The following PRKN variants were observed in gnomAD, a reference collection of about 807,000 sequenced individuals.
PRKN encodes the protein parkin RBR E3 ubiquitin protein ligase.
A neutral mutation model predicts 59.5 loss-of-function variants in PRKN; 56 were observed. That is an observed-to-expected ratio of 0.94 (90% CI 0.76 to 1.18). The LOEUF is 1.18. PRKN is among the 50% of genes most tolerant of loss of function. PRKN has a pLI of 0.00. For synonymous variants in PRKN, 250 were observed against 222.1 expected, an observed-to-expected ratio of 1.13 and a Z score of -1.12; for missense variants, 657 against 596.4, an observed-to-expected ratio of 1.10 and a Z score of -1.06.
rs1281212574 is a variant in PRKN, at chr6:161,445,250, C to T, written c.1084-58373G>A. 6.6e-6 allele frequency among the ~76,000 whole-genome samples: 1 copy of T among 152,140 alleles called. No individual in the cohort carries two copies. Among genetic ancestry groups the T allele is most frequent in the African/African-American group, 2.4e-5 (1 of 41,438 alleles). Reference sequence around the variant, plus strand: ...GACGGCCACTTAGAGGCTGCCTGACCACAAAGACAGGACTGTAAAACATAG... The same window carrying T: ...GACGGCCACTTAGAGGCTGCCTGACTACAAAGACAGGACTGTAAAACATAG... On this transcript the variant is annotated intron_variant, in intron 9 of 11. Transcript: ENST00000366898. This position sits in a 1 kb window ranked among gnomAD's most constrained non-coding sequence, Gnocchi z 7.7.
chr6:162,725,485 C>A (rs772408128), intron 1 of PRKN, among the ~76,000 whole-genome samples: 1 of 152,138 alleles, frequency 6.6e-6, no homozygotes, highest in South Asian at 2.1e-4. Flanking sequence ...TGAGGCTGGG[C>A]GTGGTGGTTC....
chr6:162,617,489 C>T (rs1311872240), intron 1 of PRKN, among the ~76,000 whole-genome samples: 1 of 152,168 alleles, frequency 6.6e-6, no homozygotes, highest in East Asian at 1.9e-4. Context: ...GCTTTGGCCT[C>T]CCACAGTGCT....
intron 9 of PRKN, among the ~76,000 whole-genome samples, chr6:161,534,149 A>G (rs1779324798): frequency 6.6e-6 from 1 of 152,066 alleles, no homozygotes; most frequent in Admixed American, 6.5e-5. Flanking sequence ...GCTCTTGATC[A>G]GGCACCATGA....
intron 6 of PRKN, among the ~76,000 whole-genome samples, chr6:161,965,465 G>A (rs1049629761): frequency 2.0e-5 from 3 of 152,004 alleles, no homozygotes; most frequent in African/African-American, 7.3e-5. Flanking sequence ...AAGGAATAAT[G>A]ATTAAAGGTG....
At chr6:161,829,288 G>A (rs181762560) in intron 6 of PRKN, among the ~76,000 whole-genome samples, 60 of 152,246 alleles carry the variant, frequency 3.9e-4, no homozygotes, top group Non-Finnish European at 7.1e-4. Flanking sequence ...AAGAAGCCCT[G>A]GAAAGTGCAA....
intron 4 of PRKN, among the ~76,000 whole-genome samples, chr6:162,129,209 T>G (rs1015060153): frequency 9.9e-5 from 15 of 152,246 alleles, no homozygotes; most frequent in African/African-American, 3.6e-4. Context: ...TCATCATCAT[T>G]AATATACCTT....
chr6:162,292,640 A>G (rs1169999744), intron 2 of PRKN, among the ~76,000 whole-genome samples: 1 of 152,174 alleles, frequency 6.6e-6, no homozygotes, highest in Non-Finnish European at 1.5e-5. Context: ...ATAAGTCTGA[A>G]TCAGCTGGAG....
intron 4 of PRKN, among the ~76,000 whole-genome samples, chr6:162,136,179 GTATAGGTA>G (rs1781557507): frequency 1.3e-5 from 2 of 150,924 alleles, no homozygotes; most frequent in South Asian, 4.2e-4. Context: ...TATAGAAATT[GTATAGGTA>G]TAATTTTATA....
At chr6:161,522,167 C>A (rs1042579915) in intron 9 of PRKN, among the ~76,000 whole-genome samples, 3 of 152,100 alleles carry the variant, frequency 2.0e-5, no homozygotes, top group Non-Finnish European at 4.4e-5. Flanking sequence ...GTGCTACCTC[C>A]CCAGCACGTT....
At chr6:161,955,087 G>A (rs754265586) in intron 6 of PRKN, among the ~76,000 whole-genome samples, 1 of 152,190 alleles carries the variant, frequency 6.6e-6, no homozygotes. Context: ...TCATCGTCCT[G>A]TCTCACAAAA....
chr6:161,769,043 C>G (rs1789548820), intron 7 of PRKN, among the ~76,000 whole-genome samples: 1 of 152,170 alleles, frequency 6.6e-6, no homozygotes, highest in South Asian at 2.1e-4. Flanking sequence ...TTTGTTTTCA[C>G]AAGCACGTAT....
Position 161,897,984 on chromosome 6 carries a change from A to AAAAAAAAAAAAAAAAAAAAAAAAAAT in PRKN, c.734+75317_734+75318insATTTTTTTTTTTTTTTTTTTTTTTTT, listed in dbSNP as rs1554244227. ...TCCGTCTCAAAAAAAAAAAAAAAAA[A>AAAAAAAAAAAAAAAAAAAAAAAAAAT]GTCTCCCAGTTGCATAGAAAAGGTT... On this transcript the variant is annotated intron_variant, in intron 6 of 11. Transcript: ENST00000366898. Among the ~76,000 whole-genome samples the AAAAAAAAAAAAAAAAAAAAAAAAAAT allele has an allele frequency of 1.4e-4, 17 of 117,654 alleles. 2 individuals are homozygous for AAAAAAAAAAAAAAAAAAAAAAAAAAT. The highest frequency in any genetic ancestry group is 6.2e-4 in the African/African-American group (15 of 24,012). The allele number at this position is 117,654 out of a possible 152,430, so 77.2% of individuals were successfully genotyped here. A position where few individuals can be genotyped will look rare whatever the true frequency, so the allele number is the denominator to read the frequency against.
intron 9 of PRKN, among the ~76,000 whole-genome samples, chr6:161,500,381 T>C (rs1422977507): frequency 1.3e-5 from 2 of 152,222 alleles, no homozygotes; most frequent in Admixed American, 1.3e-4. Context: ...TTTGGACAAA[T>C]GTATAACATT....
chr6:161,634,114 T>G lies in PRKN; in HGVS notation c.872-64698A>C, dbSNP rs145469419. 2.0e-3 allele frequency among the ~76,000 whole-genome samples: 299 copies of G among 152,026 alleles called. 1 individual carries two copies. Among genetic ancestry groups the G allele is most frequent in the African/African-American group, 7.0e-3 (292 of 41,462 alleles). On this transcript the variant is annotated intron_variant, in intron 7 of 11. Transcript: ENST00000366898. ...AGTGAGTTATCGTTACTGATGGGAA[T>G]GGGTTCTGTCCCATAGGTGAGTCAG...
At position 162,681,121 on chromosome 6, in the gene PRKN, C is replaced by T. The variant is rs372552751; in HGVS notation, c.7+46541G>A. The stretch of plus-strand genomic sequence containing the variant: ...CTCCTCTGTGCTCAACAGCACAGAA[C>T]AGCACATGCACTCTGTTTCCTTTTC... On this transcript the variant is annotated intron_variant, in intron 1 of 11. Coordinates refer to ENST00000366898, the MANE Select transcript of PRKN (RefSeq NM_004562.3). Among the ~76,000 whole-genome samples the T allele has an allele frequency of 9.2e-5, 14 of 152,280 alleles. No individual in the cohort carries two copies. The East Asian group carries it at 1.5e-3, about 17-fold the overall frequency.
intron 1 of PRKN, among the ~76,000 whole-genome samples, chr6:162,588,491 C>T (rs1209021417): frequency 6.6e-6 from 1 of 152,152 alleles, no homozygotes; most frequent in African/African-American, 2.4e-5. Context: ...CAGGTGGGCA[C>T]TATGTCCAGG....
chr6:162,619,288 A>G (rs939091308), intron 1 of PRKN, among the ~76,000 whole-genome samples: 2 of 149,276 alleles, frequency 1.3e-5, no homozygotes, highest in Non-Finnish European at 3.0e-5. Context: ...GACTACAGGC[A>G]TGCACCACCA....
rs907255375 is a variant in PRKN at position 161,582,050 on chromosome 6, G to T, written c.872-12634C>A. On this transcript the variant is annotated intron_variant, in intron 7 of 11. Coordinates refer to ENST00000366898, the MANE Select transcript of PRKN (RefSeq NM_004562.3). This position sits in a 1 kb window ranked among gnomAD's most constrained non-coding sequence, Gnocchi z 4.4. ...TTAACTTGTTACTCCCCAGCTCACC[G>T]TGCCCAGAGCTCCACGCATGACTGA... is the stretch of plus-strand genomic sequence containing the variant. Among the ~76,000 whole-genome samples the T allele has an allele frequency of 1.3e-5, 2 of 152,102 alleles. No individual in the cohort carries two copies. Among genetic ancestry groups the T allele is most frequent in the African/African-American group, 4.8e-5 (2 of 41,410 alleles).
Position 161,373,945 on chromosome 6 carries a change from C to T in PRKN, c.1167+12849G>A, listed in dbSNP as rs1785544999. 6.6e-6 allele frequency among the ~76,000 whole-genome samples: 1 copy of T among 152,170 alleles called. No homozygotes were observed. The highest frequency in any genetic ancestry group is 1.5e-5 in the Non-Finnish European group (1 of 68,032). ...GTTGTCGGCTGGGCCACTATGCAGGCGTGGCTGGGGTGCCTTTCAAAGTGG... is the reference window on the plus strand; with the variant it reads ...GTTGTCGGCTGGGCCACTATGCAGGTGTGGCTGGGGTGCCTTTCAAAGTGG... On this transcript the variant is annotated intron_variant, in intron 10 of 11. Transcript: ENST00000366898. The surrounding 1 kb of genome is among the most constrained non-coding windows in gnomAD (Gnocchi z 4.8).
Sources: gnomAD v4.1 joint callset for allele counts (sites outside exome capture counted in the v4.1 genomes callset) on GRCh38, gnomAD v4.1.1 for gene constraint, Gnocchi (gnomAD v3.1) non-coding constraint, MANE v1.5 for transcripts, NCBI Gene and HGNC (gene_info 2026-07-23, HGNC 2026-07-21) for gene names.